KRAS: variants seen among roughly 807,000 people sequenced by gnomAD.
The protein encoded by KRAS is KRas proto-oncogene, GTPase, also known as GTPase KRas.
Under a neutral mutation model 21.0 loss-of-function variants are expected in KRAS, and 1 was observed. That is an observed-to-expected ratio of 0.05 (90% CI 0.02 to 0.23). KRAS has a LOEUF of 0.23. KRAS is among the 10% of genes least tolerant of loss of function. The pLI, the probability that KRAS is intolerant of heterozygous loss-of-function variation, is 1.00. For missense variants in KRAS, 107 were observed against 221.8 expected (o/e 0.48, Z 3.29); for synonymous variants, 67 against 72.5 (o/e 0.92, Z 0.39).
intron 2 of KRAS, 77 bp from the exon 3 acceptor site, chr12:25,227,489 A>G: frequency 7.5e-7 from 1 of 1,335,162 alleles, no homozygotes; most frequent in South Asian, 1.3e-5. Flanking sequence ...ACAACTCAAC[A>G]ACAAAAAATT....
Position 25,207,950 on chromosome 12 carries a change from C to T in KRAS, c.*1845G>A, listed in dbSNP as rs945841004. 4 of 233,078 alleles carry T rather than the reference C, an allele frequency of 1.7e-5. No individual in the cohort carries two copies. Among genetic ancestry groups the T allele is most frequent in the Non-Finnish European group, 3.4e-5 (4 of 118,028 alleles). 14.4% of individuals were successfully genotyped at this position (233,078 alleles called of 1,614,324 possible). A position where few individuals can be genotyped will look rare whatever the true frequency, so the allele number is the denominator to read the frequency against. ...TACAAGTATTAAAACTGCATCAAGTCATGGGGCATGTGGAAGGTAGGGAGG... is the reference window on the plus strand; with the variant it reads ...TACAAGTATTAAAACTGCATCAAGTTATGGGGCATGTGGAAGGTAGGGAGG... On this transcript the variant is annotated 3_prime_UTR_variant, in exon 5 of 5. Coordinates refer to ENST00000311936, the MANE Select transcript of KRAS (RefSeq NM_004985.5).
In KRAS at chr12:25,206,883, C is replaced by A. The variant is rs969727998; in HGVS notation, c.*2912G>T. Reference sequence around the variant, plus strand: ...GGTCAATATGAATATCTGACATACACCTTAATGTGTACAGTAATTGTCCTA... The same window carrying A: ...GGTCAATATGAATATCTGACATACAACTTAATGTGTACAGTAATTGTCCTA... On this transcript the variant is annotated 3_prime_UTR_variant, in exon 5 of 5. Coordinates refer to ENST00000311936, the MANE Select transcript of KRAS (RefSeq NM_004985.5). The A allele has an allele frequency of 1.0e-5, 2 of 200,760 alleles. No individual in the cohort carries two copies. Among genetic ancestry groups the A allele is most frequent in the Non-Finnish European group, 2.0e-5 (2 of 97,616 alleles). The allele number at this position is 200,760 out of a possible 1,614,324, so 12.4% of individuals were successfully genotyped here.
At chr12:25,232,302 T>TA (rs1951484393) in intron 2 of KRAS, among the ~76,000 whole-genome samples, 1 of 152,262 alleles carries the variant, frequency 6.6e-6, no homozygotes, top group Middle Eastern at 3.4e-3. Flanking sequence ...AATAGCTGTT[T>TA]AAAAAAACAA....
rs587781013 is a variant in KRAS, at chr12:25,250,766, G to A, written c.-27C>T. 2.1e-4 allele frequency: 42 copies of A among 201,296 alleles called. No individual in the cohort carries two copies. Among genetic ancestry groups the A allele is most frequent in the Admixed American group, 2.4e-4 (4 of 16,456 alleles). 12.5% of individuals were successfully genotyped at this position (201,296 alleles called of 1,614,324 possible). A position where few individuals can be genotyped will look rare whatever the true frequency, so the allele number is the denominator to read the frequency against. On this transcript the variant is annotated 5_prime_UTR_variant, in exon 1 of 5. Coordinates refer to ENST00000311936, the MANE Select transcript of KRAS (RefSeq NM_004985.5). Reference sequence around the variant, plus strand: ...CGCTCCGTACCTCTCTCCCGCACCTGGGAGCCGCTGAGCCTCTGGCCCCGC... The same window carrying A: ...CGCTCCGTACCTCTCTCCCGCACCTAGGAGCCGCTGAGCCTCTGGCCCCGC...
intron 4 of KRAS, among the ~76,000 whole-genome samples, chr12:25,214,833 C>T (rs1017797286): frequency 7.9e-5 from 12 of 152,046 alleles, no homozygotes; most frequent in Admixed American, 5.2e-4. Context: ...CAGAATGTAA[C>T]GTCACAGGAA....
At chr12:25,238,436 G>C (rs61761096) in intron 2 of KRAS, among the ~76,000 whole-genome samples, 31 of 152,064 alleles carry the variant, frequency 2.0e-4, no homozygotes, top group African/African-American at 7.2e-4. Flanking sequence ...TATTTATTTA[G>C]CCTTAATAGC....
chr12:25,223,653 C>G (rs1167405179), intron 4 of KRAS, among the ~76,000 whole-genome samples: 2 of 152,112 alleles, frequency 1.3e-5, no homozygotes, highest in African/African-American at 4.8e-5. Context: ...ATTTGTATAA[C>G]TAGGAAGAGG....
intron 1 of KRAS, among the ~76,000 whole-genome samples, chr12:25,249,621 G>GTTT (rs1295989082): frequency 1.4e-5 from 1 of 69,348 alleles, no homozygotes; most frequent in Non-Finnish European, 3.4e-5. Flanking sequence ...AGATGCACAT[G>GTTT]TTTAAGTCTA....
intron 2 of KRAS, among the ~76,000 whole-genome samples, chr12:25,243,241 C>T (rs1951633513): frequency 6.6e-6 from 1 of 152,122 alleles, no homozygotes; most frequent in South Asian, 2.1e-4. Flanking sequence ...TTTAACTACA[C>T]CAAGAACTTA....
In KRAS at chr12:25,208,164, T is replaced by C. The variant is rs763217196; in HGVS notation, c.*1631A>G. The C allele has an allele frequency of 8.3e-5, 15 of 181,126 alleles. No individual in the cohort carries two copies. The highest frequency in any genetic ancestry group is 1.6e-4 in the Non-Finnish European group (14 of 90,296). 11.2% of individuals were successfully genotyped at this position (181,126 alleles called of 1,614,324 possible). A position where few individuals can be genotyped will look rare whatever the true frequency, so the allele number is the denominator to read the frequency against. On this transcript the variant is annotated 3_prime_UTR_variant, in exon 5 of 5. Coordinates refer to ENST00000311936, the MANE Select transcript of KRAS (RefSeq NM_004985.5). The stretch of plus-strand genomic sequence containing the variant: ...TGTAAATGGAATATAAATTACATAG[T>C]TGTAAAAAAAAAAAACTAAGAGTTT...
chr12:25,247,011 A>G (rs1951692340), intron 1 of KRAS, among the ~76,000 whole-genome samples: 2 of 152,346 alleles, frequency 1.3e-5, no homozygotes, highest in Middle Eastern at 3.4e-3. Flanking sequence ...CAAGAGGTGC[A>G]TGAATATTGA....
At chr12:25,225,291 TATATATATATATATATATATATATATA>T (rs1592806588) in intron 4 of KRAS, 117 of 136,922 alleles carry the variant, frequency 8.5e-4, no homozygotes, top group East Asian at 2.9e-3. Flanking sequence ...GTTCTTTATA[TATATATATATATATATATATATATATA>T]TATATATATA....
At chr12:25,241,205 T>C (rs756610887) in intron 2 of KRAS, among the ~76,000 whole-genome samples, 12 of 152,212 alleles carry the variant, frequency 7.9e-5, no homozygotes, top group Non-Finnish European at 1.5e-4. Flanking sequence ...CAGTAATCTT[T>C]ATATTAATAT....
intron 2 of KRAS, among the ~76,000 whole-genome samples, chr12:25,243,974 CA>C (rs1592822148): frequency 6.6e-6 from 1 of 152,276 alleles, no homozygotes; most frequent in East Asian, 1.9e-4. Flanking sequence ...ATGTTTAAAT[CA>C]AATCTTTGCA....
At chr12:25,217,860 C>G in intron 4 of KRAS, among the ~76,000 whole-genome samples, 1 of 152,112 alleles carries the variant, frequency 6.6e-6, no homozygotes, top group East Asian at 1.9e-4. Flanking sequence ...CACCACTGCA[C>G]TTCAGTCTGG....
intron 4 of KRAS, among the ~76,000 whole-genome samples, chr12:25,217,493 GAAT>G (rs952602199): frequency 6.6e-6 from 1 of 151,122 alleles, no homozygotes; most frequent in African/African-American, 2.4e-5. Context: ...TATATTTAAC[GAAT>G]AACAAAAATC....
At chr12:25,231,298 G>A (rs1197033052) in intron 2 of KRAS, among the ~76,000 whole-genome samples, 1 of 151,664 alleles carries the variant, frequency 6.6e-6, no homozygotes, top group African/African-American at 2.4e-5. Context: ...GATTGGCCAG[G>A]CTGGTCTTCA....
intron 1 of KRAS, among the ~76,000 whole-genome samples, chr12:25,247,934 A>AC (rs1283979579): frequency 6.6e-6 from 1 of 152,180 alleles, no homozygotes; most frequent in Non-Finnish European, 1.5e-5. Flanking sequence ...TGGGCTTATT[A>AC]TTTTTAAATG....
chr12:25,240,358 C>T lies in KRAS; in HGVS notation c.111+4916G>A, dbSNP rs11047916. ...AGTGGGCCATCCATATCCATGGGTA[C>T]TGCATCTACAGATTCAACCAATTAT... On this transcript the variant is annotated intron_variant, in intron 2 of 4. Transcript: ENST00000311936. Among the ~76,000 whole-genome samples, 996 of 152,298 alleles carry T rather than the reference C, an allele frequency of 6.5e-3. 5 individuals are homozygous for T. The highest frequency in any genetic ancestry group is 8.1e-3 in the Non-Finnish European group (549 of 68,030).
Sources: allele counts gnomAD v4.1 joint callset (sites outside exome capture counted in the v4.1 genomes callset), GRCh38; gene constraint gnomAD v4.1.1; transcripts MANE v1.5; gene names NCBI Gene and HGNC (gene_info 2026-07-23, HGNC 2026-07-21).